The following PPP2R3A variants were observed in gnomAD, a reference collection of about 807,000 sequenced individuals.
The protein encoded by PPP2R3A is serine/threonine-protein phosphatase 2A regulatory subunit B'' subunit alpha.
A neutral mutation model predicts 106.9 loss-of-function variants in PPP2R3A; 80 were observed. The ratio of observed to expected loss-of-function variants is 0.75; its 90% CI spans 0.62 to 0.90. The LOEUF is 0.90. PPP2R3A is among the 40% of genes least tolerant of loss of function. PPP2R3A has a pLI of 0.00. For missense variants in PPP2R3A, 1,386 were observed against 1,350.4 expected (o/e 1.03, Z -0.41); for synonymous variants, 483 against 468.3 (o/e 1.03, Z -0.41).
Position 136,002,322 on chromosome 3 carries a change from A to C in PPP2R3A, c.824A>C (p.Glu275Ala). 8 of 1,613,824 alleles carry C rather than the reference A, an allele frequency of 5.0e-6. No homozygotes were observed. The highest frequency in any genetic ancestry group is 6.8e-6 in the Non-Finnish European group (8 of 1,179,772). ...GGTAATGATACAATTTCTAGCTCTGAAACTGTCTATATGAATGTAATGACC... is the reference window on the plus strand; with the variant it reads ...GGTAATGATACAATTTCTAGCTCTGCAACTGTCTATATGAATGTAATGACC... ...GSGNDTISSSETVYMNVMTRL... is the reference protein window; with the variant it reads ...GSGNDTISSSATVYMNVMTRL... Residue 275 changes from glutamate (E) to alanine (A), a missense_variant, in exon 2 of 14, where the codon GAA becomes GCA. Physicochemically the swap from Glu to Ala is moderately radical, Grantham distance 107 (BLOSUM62 -1). Coordinates refer to ENST00000264977, the MANE Select transcript of PPP2R3A (RefSeq NM_002718.5).
chr3:136,051,564 C>T (rs894056166), intron 5 of PPP2R3A, among the ~76,000 whole-genome samples: 11 of 151,994 alleles, frequency 7.2e-5, no homozygotes, highest in African/African-American at 2.2e-4. Flanking sequence ...TCCTGACCTC[C>T]GGTGATCCAC....
intron 13 of PPP2R3A, among the ~76,000 whole-genome samples, chr3:136,114,130 G>A (rs1473481998): frequency 6.6e-6 from 1 of 152,146 alleles, no homozygotes; most frequent in Non-Finnish European, 1.5e-5. Context: ...CCGAAGCAGG[G>A]TGGGGCATCG....
At chr3:136,034,089 G>T (rs1935002338) in intron 3 of PPP2R3A, among the ~76,000 whole-genome samples, 1 of 148,724 alleles carries the variant, frequency 6.7e-6, no homozygotes, top group Non-Finnish European at 1.5e-5. Flanking sequence ...AGGCCGGAGT[G>T]CAGTGGCGTG....
chr3:136,030,524 A>G (rs1559877913), intron 3 of PPP2R3A, among the ~76,000 whole-genome samples: 1 of 151,658 alleles, frequency 6.6e-6, no homozygotes, highest in African/African-American at 2.4e-5. Context: ...ACTGCACCCT[A>G]TTTGTAGTGT....
intron 13 of PPP2R3A, among the ~76,000 whole-genome samples, chr3:136,131,136 C>T (rs1405058254): frequency 6.6e-6 from 1 of 152,154 alleles, no homozygotes; most frequent in Non-Finnish European, 1.5e-5. Flanking sequence ...AAAGCAATGG[C>T]AACAAAAGCC....
intron 13 of PPP2R3A, among the ~76,000 whole-genome samples, chr3:136,108,546 A>G (rs1186036864): frequency 6.6e-6 from 1 of 152,152 alleles, no homozygotes; most frequent in African/African-American, 2.4e-5. Context: ...TTAAAAGACA[A>G]TAGGAAAGCT....
At chr3:136,095,126 C>A (rs1937186567) in intron 10 of PPP2R3A, among the ~76,000 whole-genome samples, 1 of 152,068 alleles carries the variant, frequency 6.6e-6, no homozygotes, top group African/African-American at 2.4e-5. Flanking sequence ...TCTCCAGCAT[C>A]TTTGAACTGT....
intron 10 of PPP2R3A, among the ~76,000 whole-genome samples, chr3:136,100,995 C>T (rs868623890): frequency 4.6e-5 from 7 of 152,090 alleles, no homozygotes; most frequent in Non-Finnish European, 8.8e-5. Context: ...CTAGAGAATG[C>T]GCAGAGTAAC....
intron 13 of PPP2R3A, among the ~76,000 whole-genome samples, chr3:136,143,834 C>T (rs779172613): frequency 1.8e-4 from 28 of 152,102 alleles, no homozygotes; most frequent in Non-Finnish European, 3.5e-4. Flanking sequence ...TGAATAGGTG[C>T]CACTTACTGT....
intron 3 of PPP2R3A, among the ~76,000 whole-genome samples, chr3:136,035,546 A>G (rs1331454004): frequency 1.3e-5 from 2 of 152,198 alleles, no homozygotes; most frequent in Non-Finnish European, 2.9e-5. Context: ...GAGGCTGAAG[A>G]TAGGGCCGCA....
chr3:136,040,578 T>C (rs1432744952), intron 3 of PPP2R3A, among the ~76,000 whole-genome samples: 2 of 152,200 alleles, frequency 1.3e-5, no homozygotes, highest in African/African-American at 4.8e-5. Flanking sequence ...GCTGTTTGCT[T>C]TAACTGTCAG....
intron 2 of PPP2R3A, among the ~76,000 whole-genome samples, chr3:136,007,833 G>T (rs1261650050): frequency 6.6e-6 from 1 of 152,136 alleles, no homozygotes; most frequent in Non-Finnish European, 1.5e-5. Context: ...GGTTGGAAAA[G>T]GATATTTCTG....
rs72981447 is a variant in PPP2R3A, at chr3:135,998,510, C to G, written c.-440-2549C>G. ...CAAAAATTTAAAGAGAGGAATCAGT[C>G]CAAGAAAACATGGAGAAACAGGCCC... On this transcript the variant is annotated intron_variant, in intron 1 of 13. Coordinates refer to ENST00000264977, the MANE Select transcript of PPP2R3A (RefSeq NM_002718.5). 7.3e-3 allele frequency among the ~76,000 whole-genome samples: 1,118 copies of G among 152,194 alleles called. 13 individuals carry two copies. Among genetic ancestry groups the G allele is most frequent in the African/African-American group, 0.026 (1,096 of 41,530 alleles).
At chr3:136,075,930 C>T (rs111445786) in intron 6 of PPP2R3A, among the ~76,000 whole-genome samples, 123 of 152,146 alleles carry the variant, frequency 8.1e-4, no homozygotes, top group African/African-American at 2.8e-3. Flanking sequence ...AAAAATCCTC[C>T]ATCGTTTTTA....
At chr3:136,115,517 A>G (rs1177314309) in intron 13 of PPP2R3A, among the ~76,000 whole-genome samples, 1 of 152,004 alleles carries the variant, frequency 6.6e-6, no homozygotes, top group East Asian at 1.9e-4. Flanking sequence ...GGGTAGATGA[A>G]TTGCTAACTA....
intron 1 of PPP2R3A, among the ~76,000 whole-genome samples, chr3:135,981,126 G>A (rs573087142): frequency 2.6e-5 from 4 of 152,044 alleles, no homozygotes; most frequent in Admixed American, 2.6e-4. Context: ...TCATGGTGAT[G>A]TGGGTCCACC....
chr3:135,991,860 C>T (rs1236081875), intron 1 of PPP2R3A, among the ~76,000 whole-genome samples: 5 of 152,100 alleles, frequency 3.3e-5, no homozygotes, highest in African/African-American at 2.4e-5. Context: ...AGTTTTTAAG[C>T]GCTTCCTAAT....
rs1187494359 is a variant in PPP2R3A, at chr3:136,027,102, A to T, written c.2262+4A>T. On this transcript the variant is annotated splice_donor_region_variant and intron_variant, in intron 3 of 13. Transcript: ENST00000264977. Reference sequence around the variant, plus strand: ...TGAAATGGGGAAAATTGCAAAGGTAATGTAACTACTAAATGATTTACAATC... The same window carrying T: ...TGAAATGGGGAAAATTGCAAAGGTATTGTAACTACTAAATGATTTACAATC... 1 of 1,608,836 alleles carries T rather than the reference A, an allele frequency of 6.2e-7. No individual in the cohort carries two copies.
At chr3:136,046,008 ACT>A (rs1239680167) in intron 4 of PPP2R3A, among the ~76,000 whole-genome samples, 1 of 151,934 alleles carries the variant, frequency 6.6e-6, no homozygotes, top group African/African-American at 2.4e-5. Flanking sequence ...ACATGGCAAG[ACT>A]CTGTCTCTAC....
Sources: allele counts gnomAD v4.1 joint callset (sites outside exome capture counted in the v4.1 genomes callset), GRCh38; gene constraint gnomAD v4.1.1; transcripts MANE v1.5; gene names NCBI Gene and HGNC (gene_info 2026-07-23, HGNC 2026-07-21).